UNC5C: variants seen among roughly 807,000 people sequenced by gnomAD.
UNC5C encodes the protein netrin receptor UNC5C.
Under a neutral mutation model 99.8 loss-of-function variants are expected in UNC5C, and 47 were observed. That is an observed-to-expected ratio of 0.47 (90% CI 0.37 to 0.60). The LOEUF (loss-of-function observed/expected upper bound fraction) is 0.60, where lower values mean the gene tolerates loss of function less well. UNC5C is among the 20% of genes least tolerant of loss of function. The pLI, the probability that UNC5C is intolerant of heterozygous loss-of-function variation, is 0.00. For synonymous variants in UNC5C, 487 were observed against 452.2 expected, an observed-to-expected ratio of 1.08 and a Z score of -0.98; for missense variants, 1,062 against 1,165.9, an observed-to-expected ratio of 0.91 and a Z score of 1.30.
intron 1 of UNC5C, among the ~76,000 whole-genome samples, chr4:95,456,592 G>T (rs1747433615): frequency 6.6e-6 from 1 of 152,010 alleles, no homozygotes; most frequent in Non-Finnish European, 1.5e-5. Context: ...TAATTTAAAA[G>T]AAGAAAATTC....
At chr4:95,256,427 A>T (rs780087734) in intron 4 of UNC5C, among the ~76,000 whole-genome samples, 3 of 151,918 alleles carry the variant, frequency 2.0e-5, no homozygotes, top group African/African-American at 2.4e-5. Flanking sequence ...AGTGTTGACC[A>T]CTTTTTTCCT....
At chr4:95,508,726 G>A (rs80129492) in intron 1 of UNC5C, among the ~76,000 whole-genome samples, 1,921 of 151,902 alleles carry the variant, frequency 0.013, 43 homozygotes, top group African/African-American at 0.044. Flanking sequence ...TCTAGAAAAA[G>A]GAATCCTCAA....
chr4:95,253,437 A>G (rs56213435), intron 4 of UNC5C, among the ~76,000 whole-genome samples: 1 of 152,086 alleles, frequency 6.6e-6, no homozygotes, highest in Non-Finnish European at 1.5e-5. Flanking sequence ...TCGATTATAC[A>G]TAATTACACA....
chr4:95,460,078 A>T (rs1447579827), intron 1 of UNC5C, among the ~76,000 whole-genome samples: 1 of 152,132 alleles, frequency 6.6e-6, no homozygotes, highest in African/African-American at 2.4e-5. Flanking sequence ...CAAATAGAAG[A>T]AAACAGCACT....
chr4:95,382,856 A>G (rs1745109510), intron 1 of UNC5C, among the ~76,000 whole-genome samples: 1 of 152,158 alleles, frequency 6.6e-6, no homozygotes, highest in African/African-American at 2.4e-5. Flanking sequence ...TAGCTGTCAA[A>G]TGCTCCATTG....
chr4:95,180,433 A>AAAC (rs1360432543), intron 14 of UNC5C, among the ~76,000 whole-genome samples: 4 of 152,256 alleles, frequency 2.6e-5, no homozygotes, highest in Non-Finnish European at 5.9e-5. Context: ...TGAAACCAAC[A>AAAC]AACAAAATCT....
intron 14 of UNC5C, among the ~76,000 whole-genome samples, chr4:95,180,757 A>G (rs1736579050): frequency 1.3e-5 from 2 of 152,266 alleles, no homozygotes; most frequent in African/African-American, 4.8e-5. Flanking sequence ...GGGGCAGCAC[A>G]TTTCTGGCAA....
At chr4:95,235,167 C>A (rs1280579327) in intron 7 of UNC5C, among the ~76,000 whole-genome samples, 1 of 152,082 alleles carries the variant, frequency 6.6e-6, no homozygotes, top group Non-Finnish European at 1.5e-5. Context: ...TCAATGTGAC[C>A]AAAGTCAGTG....
intron 1 of UNC5C, among the ~76,000 whole-genome samples, chr4:95,363,695 A>C (rs944584684): frequency 2.0e-5 from 3 of 152,188 alleles, no homozygotes; most frequent in African/African-American, 7.2e-5. Flanking sequence ...CAAAAAAGAA[A>C]CAAAAACAAA....
chr4:95,169,208 C>G lies in UNC5C; in HGVS notation c.*26G>C. On this transcript the variant is annotated 3_prime_UTR_variant, in exon 16 of 16. Coordinates refer to ENST00000453304, the MANE Select transcript of UNC5C (RefSeq NM_003728.4). ...CACAGACTCCCTGTGCATTTTTGTC[C>G]TTCATTTCCCCTTCCAGCATGGTGG... The G allele has an allele frequency of 6.2e-7, 1 of 1,610,766 alleles. No individual in the cohort carries two copies. Among genetic ancestry groups the G allele is most frequent in the Non-Finnish European group, 8.5e-7 (1 of 1,177,656 alleles).
At chr4:95,392,978 C>T (rs1001422637) in intron 1 of UNC5C, among the ~76,000 whole-genome samples, 2 of 152,172 alleles carry the variant, frequency 1.3e-5, no homozygotes, top group Admixed American at 6.5e-5. Context: ...CACATTCCCC[C>T]AGGGAAATTC....
At chr4:95,329,109 T>C (rs1309919094) in intron 2 of UNC5C, among the ~76,000 whole-genome samples, 3 of 151,908 alleles carry the variant, frequency 2.0e-5, no homozygotes, top group East Asian at 3.9e-4. Flanking sequence ...CTGGGCAACA[T>C]AGCAAGACCC....
At chr4:95,462,474 G>C (rs1205546286) in intron 1 of UNC5C, among the ~76,000 whole-genome samples, 1 of 152,124 alleles carries the variant, frequency 6.6e-6, no homozygotes, top group African/African-American at 2.4e-5. Flanking sequence ...CTCTAGTGCA[G>C]AATATAGTCA....
chr4:95,493,568 A>G (rs1199370432), intron 1 of UNC5C, among the ~76,000 whole-genome samples: 1 of 151,410 alleles, frequency 6.6e-6, no homozygotes, highest in African/African-American at 2.4e-5. Context: ...AATCTGGGAA[A>G]AAATGGTACT....
intron 10 of UNC5C, among the ~76,000 whole-genome samples, chr4:95,214,614 A>C (rs1738184831): frequency 6.6e-6 from 1 of 152,234 alleles, no homozygotes; most frequent in Non-Finnish European, 1.5e-5. Context: ...GCAGCCCCTT[A>C]AGGCTTGATC....
rs946827310 is a variant in UNC5C at position 95,168,786 on chromosome 4, A to C, written c.*448T>G. The C allele has an allele frequency of 6.4e-6, 1 of 155,372 alleles. No individual in the cohort carries two copies. Among genetic ancestry groups the C allele is most frequent in the African/African-American group, 2.4e-5 (1 of 41,520 alleles). The allele number at this position is 155,372 out of a possible 1,614,324, so 9.6% of individuals were successfully genotyped here. On this transcript the variant is annotated 3_prime_UTR_variant, in exon 16 of 16. Coordinates refer to ENST00000453304, the MANE Select transcript of UNC5C (RefSeq NM_003728.4). ...CTGAAATAGACACAACAAACCGTCCACAGCTTCAACTTCAAATGATTTGAA... is the reference window on the plus strand; with the variant it reads ...CTGAAATAGACACAACAAACCGTCCCCAGCTTCAACTTCAAATGATTTGAA...
chr4:95,314,483 G>A (rs1742397963), intron 2 of UNC5C, among the ~76,000 whole-genome samples: 1 of 152,154 alleles, frequency 6.6e-6, no homozygotes, highest in Non-Finnish European at 1.5e-5. Flanking sequence ...TGCTTGCACA[G>A]CTCCTCTATC....
At chr4:95,501,241 T>C (rs1294041723) in intron 1 of UNC5C, among the ~76,000 whole-genome samples, 14 of 152,120 alleles carry the variant, frequency 9.2e-5, no homozygotes, top group Admixed American at 7.9e-4. Flanking sequence ...CTCTGTTCAG[T>C]GTGGGCTTGT....
In UNC5C at chr4:95,291,680, C is replaced by T. The variant is rs117395619; in HGVS notation, c.490+9926G>A. On this transcript the variant is annotated intron_variant, in intron 3 of 15. Coordinates refer to ENST00000453304, the MANE Select transcript of UNC5C (RefSeq NM_003728.4). Reference sequence around the variant, plus strand: ...ATATAGACTGACACAATCAGGTATACATTATAATATTTAATCTTGAAATAG... The same window carrying T: ...ATATAGACTGACACAATCAGGTATATATTATAATATTTAATCTTGAAATAG... Among the ~76,000 whole-genome samples the T allele has an allele frequency of 1.3e-3, 202 of 152,228 alleles. 2 individuals carry two copies. In the East Asian group the frequency reaches 0.031, roughly 23 times the overall value.
Sources: allele counts gnomAD v4.1 joint callset (sites outside exome capture counted in the v4.1 genomes callset), GRCh38; gene constraint gnomAD v4.1.1; transcripts MANE v1.5; gene names NCBI Gene and HGNC (gene_info 2026-07-23, HGNC 2026-07-21).